GSR: variants seen among roughly 807,000 people sequenced by gnomAD.
GSR encodes glutathione reductase, mitochondrial.
GSR carries 48 observed loss-of-function variants against 56.5 expected under a neutral mutation model. The observed-to-expected ratio is 0.85, with a 90% CI of 0.67 to 1.08. The LOEUF (loss-of-function observed/expected upper bound fraction) is 1.08, where lower values mean the gene tolerates loss of function less well. Among genes scored for constraint, GSR ranks in the 50% least tolerant of loss-of-function variants. The probability of loss-of-function intolerance (pLI) is 0.00; values close to 1 mark genes in which losing one functional copy is unlikely to be tolerated. For synonymous variants in GSR, 264 were observed against 270.8 expected (o/e 0.97, Z 0.25); for missense variants, 694 against 703.3 (o/e 0.99, Z 0.15).
intron 7 of GSR, among the ~76,000 whole-genome samples, chr8:30,694,897 CAA>C (rs780570686): frequency 1.2e-4 from 12 of 100,018 alleles, no homozygotes; most frequent in East Asian, 2.9e-4. Flanking sequence ...GACTCTGTCT[CAA>C]AAAAAAAAAA....
rs757038749 is a variant in GSR at position 30,727,617 on chromosome 8, G to A, written c.219C>T (p.Gly73=). ...TGCGCGCGCTGGCCAGCCCGCCCGA[G>A]CCGCCCCCGATCACCAGGTAGTCAT... ...ASYDYLVIGG[G]SGGLASARRA... is the part of the protein sequence containing the mutation. The change falls in exon 1 of 13, where the codon GGC becomes GGT. Residue 73 remains glycine (G), a synonymous_variant. Transcript: ENST00000221130. 6.6e-7 allele frequency: 1 copy of A among 1,511,596 alleles called. No homozygotes were observed. Among genetic ancestry groups the A allele is most frequent in the South Asian group, 1.2e-5 (1 of 81,298 alleles). 93.6% of individuals were successfully genotyped at this position (1,511,596 alleles called of 1,614,324 possible).
At chr8:30,713,877 C>T (rs1487359433) in intron 1 of GSR, among the ~76,000 whole-genome samples, 1 of 152,108 alleles carries the variant, frequency 6.6e-6, no homozygotes, top group African/African-American at 2.4e-5. Flanking sequence ...TTCCTTGAAG[C>T]TTGGTGATAA....
rs1397339966 is a variant in GSR, at chr8:30,681,168, G to A, written c.1286-131C>T. On this transcript the variant is annotated intron_variant, in intron 11 of 12. Transcript: ENST00000221130. Reference sequence around the variant, plus strand: ...GAAATATCAAACCACGCCAAAATGAGAAGTATTCTACAAAATAAATGTCAG... The same window carrying A: ...GAAATATCAAACCACGCCAAAATGAAAAGTATTCTACAAAATAAATGTCAG... 3 of 770,764 alleles carry A rather than the reference G, an allele frequency of 3.9e-6. No individual in the cohort carries two copies. The Admixed American group carries it at 5.9e-5, about 15-fold the overall frequency. 47.7% of individuals were successfully genotyped at this position (770,764 alleles called of 1,614,324 possible).
At chr8:30,725,945 T>C (rs960668058) in intron 1 of GSR, among the ~76,000 whole-genome samples, 1 of 149,940 alleles carries the variant, frequency 6.7e-6, no homozygotes, top group African/African-American at 2.5e-5. Context: ...CTGAAGCACA[T>C]TATAACATAA....
intron 7 of GSR, among the ~76,000 whole-genome samples, chr8:30,695,425 G>T (rs938948141): frequency 2.6e-5 from 4 of 151,916 alleles, no homozygotes; most frequent in African/African-American, 9.7e-5. Flanking sequence ...GTAGAGATGG[G>T]GTTTCACCAT....
At chr8:30,682,561 A>C (rs11992081) in intron 10 of GSR, among the ~76,000 whole-genome samples, 303 of 152,340 alleles carry the variant, frequency 2.0e-3, no homozygotes, top group African/African-American at 6.8e-3. Flanking sequence ...CCAAAATCTG[A>C]AACTGAAAAC....
At chr8:30,689,748 A>G (rs201456770) in intron 8 of GSR, among the ~76,000 whole-genome samples, 34 of 6,472 alleles carry the variant, frequency 5.3e-3, no homozygotes, top group African/African-American at 0.012. Context: ...GTGTGTGTGT[A>G]TATATATATA....
intron 1 of GSR, among the ~76,000 whole-genome samples, chr8:30,712,734 T>C (rs1804199433): frequency 6.6e-6 from 1 of 152,142 alleles, no homozygotes; most frequent in Non-Finnish European, 1.5e-5. Context: ...TGGTGAATAC[T>C]CACCAAAAGC....
chr8:30,694,924 C>T lies in GSR; in HGVS notation c.795+1456G>A, dbSNP rs1353828588. Among the ~76,000 whole-genome samples, 3 of 143,048 alleles carry T rather than the reference C, an allele frequency of 2.1e-5. No homozygotes were observed. In the Admixed American group the frequency reaches 2.1e-4, roughly 10 times the overall value. 93.8% of individuals were successfully genotyped at this position (143,048 alleles called of 152,430 possible). ...AAAAAAAAAAAAAAAAAAAATTAGT[C>T]AGGGCATGGTGGCCCACACCTGTAG... On this transcript the variant is annotated intron_variant, in intron 7 of 12. Coordinates refer to ENST00000221130, the MANE Select transcript of GSR (RefSeq NM_000637.5).
At chr8:30,700,245 G>C in intron 5 of GSR, 110 bp from the exon 6 acceptor site, 1 of 795,148 alleles carries the variant, frequency 1.3e-6, no homozygotes, top group Non-Finnish European at 2.2e-6. Context: ...CATAGTCTCC[G>C]TTTTGACAAG....
At chr8:30,713,059 C>T (rs185148357) in intron 1 of GSR, among the ~76,000 whole-genome samples, 11 of 149,650 alleles carry the variant, frequency 7.4e-5, no homozygotes, top group African/African-American at 2.5e-4. Context: ...TTTTTTGAGA[C>T]GGAGTCTCGC....
At chr8:30,687,095 C>G (rs900614253) in intron 9 of GSR, among the ~76,000 whole-genome samples, 5 of 151,828 alleles carry the variant, frequency 3.3e-5, no homozygotes, top group African/African-American at 1.2e-4. Context: ...CCTCAGCCTC[C>G]CAAAGAGCTG....
intron 5 of GSR, among the ~76,000 whole-genome samples, chr8:30,701,949 C>T (rs1803757007): frequency 6.6e-6 from 1 of 151,930 alleles, no homozygotes; most frequent in Non-Finnish European, 1.5e-5. Context: ...TGAGCCATCT[C>T]CCATCTAAAC....
intron 2 of GSR, among the ~76,000 whole-genome samples, chr8:30,711,774 G>A (rs1314398747): frequency 2.0e-5 from 3 of 151,844 alleles, no homozygotes; most frequent in Non-Finnish European, 4.4e-5. Context: ...CAGAGGTTGC[G>A]GTGAGCCAAG....
chr8:30,716,320 G>A (rs1202202385), intron 1 of GSR, among the ~76,000 whole-genome samples: 2 of 152,222 alleles, frequency 1.3e-5, no homozygotes, highest in Admixed American at 1.3e-4. Context: ...TTGGGCCAGA[G>A]AAGCTGCGCC....
intron 7 of GSR, among the ~76,000 whole-genome samples, chr8:30,695,150 G>A (rs7831264): frequency 9.9e-5 from 15 of 152,206 alleles, no homozygotes; most frequent in East Asian, 9.7e-4. Flanking sequence ...GGCCGTGTGC[G>A]GACCAGGATG....
chr8:30,693,799 G>A (rs1192615885), intron 7 of GSR, among the ~76,000 whole-genome samples: 1 of 152,202 alleles, frequency 6.6e-6, no homozygotes, highest in African/African-American at 2.4e-5. Context: ...AAAGTGCTGG[G>A]ATTATAGGTG....
At chr8:30,710,714 C>CAAAAAAAAAAAAAAAAAAAA (rs60532553) in intron 2 of GSR, among the ~76,000 whole-genome samples, 5 of 51,044 alleles carry the variant, frequency 9.8e-5, no homozygotes, top group African/African-American at 2.0e-4. Context: ...GACTCTGTCT[C>CAAAAAAAAAAAAAAAAAAAA]AAAAAAAAAA....
At chr8:30,679,890 A>G (rs1274649009) in intron 12 of GSR, among the ~76,000 whole-genome samples, 1 of 151,790 alleles carries the variant, frequency 6.6e-6, no homozygotes, top group African/African-American at 2.4e-5. Context: ...TTTTTAGCAG[A>G]GAGAGGGTTT....
Sources: gnomAD v4.1 joint callset for allele counts (sites outside exome capture counted in the v4.1 genomes callset) on GRCh38, gnomAD v4.1.1 for gene constraint, MANE v1.5 for transcripts, NCBI Gene and HGNC (gene_info 2026-07-23, HGNC 2026-07-21) for gene names.